The following NEGR1 variants were observed in gnomAD, a reference collection of about 807,000 sequenced individuals.
NEGR1 encodes the protein neuronal growth regulator 1.
NEGR1 carries 10 observed loss-of-function variants against 40.9 expected under a neutral mutation model. The observed-to-expected ratio is 0.24, with a 90% CI of 0.15 to 0.42. The LOEUF (loss-of-function observed/expected upper bound fraction) is 0.42. Among genes scored for constraint, NEGR1 ranks in the 10% least tolerant of loss-of-function variants. The probability of loss-of-function intolerance (pLI) is 1.00; values close to 1 mark genes in which losing one functional copy is unlikely to be tolerated. For synonymous variants in NEGR1, 185 were observed against 166.8 expected (o/e 1.11, Z -0.84); for missense variants, 352 against 438.9 (o/e 0.80, Z 1.77).
chr1:72,276,644 T>A (rs1656057197), intron 1 of NEGR1, among the ~76,000 whole-genome samples: 1 of 152,186 alleles, frequency 6.6e-6, no homozygotes, highest in Admixed American at 6.5e-5. Flanking sequence ...TATGCCTCAA[T>A]ATTCTTATGG....
chr1:71,880,686 A>ATC (rs1447178561), intron 2 of NEGR1, among the ~76,000 whole-genome samples: 6 of 152,014 alleles, frequency 3.9e-5, no homozygotes, highest in Non-Finnish European at 8.8e-5. Flanking sequence ...CTACCAAGAT[A>ATC]ACCTACTGCC....
intron 1 of NEGR1, among the ~76,000 whole-genome samples, chr1:72,229,668 G>T (rs1294755162): frequency 6.6e-6 from 1 of 150,848 alleles, no homozygotes; most frequent in Non-Finnish European, 1.5e-5. Flanking sequence ...TCTTTTTTTG[G>T]TAAGTTGATT....
chr1:71,841,202 G>A (rs1057478174), intron 2 of NEGR1, among the ~76,000 whole-genome samples: 3 of 151,928 alleles, frequency 2.0e-5, no homozygotes, highest in Non-Finnish European at 4.4e-5. Context: ...TATGAGAAGA[G>A]GATAATATAA....
chr1:72,118,483 G>T (rs1195878507), intron 1 of NEGR1, among the ~76,000 whole-genome samples: 1 of 151,806 alleles, frequency 6.6e-6, no homozygotes, highest in Non-Finnish European at 1.5e-5. Context: ...AGGATCCAGC[G>T]GGTGTGTTGT....
At chr1:71,795,213 C>T (rs370988601) in intron 2 of NEGR1, among the ~76,000 whole-genome samples, 4 of 151,720 alleles carry the variant, frequency 2.6e-5, no homozygotes, top group Non-Finnish European at 4.4e-5. Context: ...TATTTGAATG[C>T]CCTAGAGGAA....
chr1:71,850,118 T>C (rs547911845), intron 2 of NEGR1, among the ~76,000 whole-genome samples: 1 of 150,048 alleles, frequency 6.7e-6, no homozygotes, highest in East Asian at 2.0e-4. Context: ...GTTAAGAACA[T>C]TTATAATCTA....
chr1:71,513,641 T>A (rs535421084), intron 6 of NEGR1, among the ~76,000 whole-genome samples: 1 of 152,264 alleles, frequency 6.6e-6, no homozygotes, highest in Admixed American at 6.5e-5. Context: ...TCATCCTGAT[T>A]TTATAGGAGA....
At chr1:72,149,933 A>G (rs1174048139) in intron 1 of NEGR1, among the ~76,000 whole-genome samples, 4 of 151,596 alleles carry the variant, frequency 2.6e-5, no homozygotes, top group Non-Finnish European at 5.9e-5. Flanking sequence ...AAGAAAAAAA[A>G]ACACCAAGGA....
rs992704189 is a variant in NEGR1, at chr1:71,396,238, A to G, written c.*11208T>C. The G allele has an allele frequency of 1.8e-4, 27 of 152,186 alleles. No homozygotes were observed. The highest frequency in any genetic ancestry group is 5.8e-4 in the African/African-American group (24 of 41,452). The allele number at this position is 152,186 out of a possible 1,614,324, so 9.4% of individuals were successfully genotyped here. On this transcript the variant is annotated 3_prime_UTR_variant, in exon 7 of 7. Transcript: ENST00000357731. ...AAATCAGCTTCCCAAAGAAAGGATT[A>G]GAGAAATGGGTGCCTTTTTCTTCAG... is the stretch of plus-strand genomic sequence containing the variant.
At chr1:71,936,665 C>T (rs1005042615) in intron 1 of NEGR1, among the ~76,000 whole-genome samples, 1 of 152,100 alleles carries the variant, frequency 6.6e-6, no homozygotes, top group Non-Finnish European at 1.5e-5. Context: ...TGGTAAAAGG[C>T]ATGAGAGATG....
rs1646144394 is a variant in NEGR1 at position 71,959,315 on chromosome 1, A to G, written c.177-24004T>C. Among the ~76,000 whole-genome samples the G allele has an allele frequency of 2.0e-5, 3 of 152,154 alleles. No homozygotes were observed. In the South Asian group the frequency reaches 6.2e-4, roughly 32 times the overall value. ...AACACTGGACCAGTCATCCTGTATG[A>G]CTTTCCATTTTGTCACTGTTTTGTC... On this transcript the variant is annotated intron_variant, in intron 1 of 6. Coordinates refer to ENST00000357731, the MANE Select transcript of NEGR1 (RefSeq NM_173808.3).
intron 3 of NEGR1, among the ~76,000 whole-genome samples, chr1:71,750,145 C>T (rs559323893): frequency 1.3e-5 from 2 of 152,174 alleles, no homozygotes; most frequent in South Asian, 4.2e-4. Flanking sequence ...AGGCGCCCGC[C>T]ACCGCGCCCG....
At chr1:71,480,903 TA>T (rs1302383689) in intron 6 of NEGR1, among the ~76,000 whole-genome samples, 1 of 151,942 alleles carries the variant, frequency 6.6e-6, no homozygotes, top group Non-Finnish European at 1.5e-5. Flanking sequence ...ATAACTCACC[TA>T]AAAATTATAT....
At chr1:72,272,676 C>G (rs1655884250) in intron 1 of NEGR1, among the ~76,000 whole-genome samples, 1 of 151,754 alleles carries the variant, frequency 6.6e-6, no homozygotes, top group Admixed American at 6.6e-5. Context: ...TATCTAAAAC[C>G]TTTACATATT....
At chr1:71,843,272 G>C in intron 2 of NEGR1, among the ~76,000 whole-genome samples, 1 of 152,096 alleles carries the variant, frequency 6.6e-6, no homozygotes, top group East Asian at 1.9e-4. Context: ...GGGCTCTCTA[G>C]ATCTTTGGAG....
At chr1:72,188,187 A>G (rs1369885949) in intron 1 of NEGR1, among the ~76,000 whole-genome samples, 2 of 151,500 alleles carry the variant, frequency 1.3e-5, no homozygotes, top group East Asian at 1.9e-4. Flanking sequence ...TGAAAATATC[A>G]TAATTAAATT....
At chr1:72,175,115 C>A (rs192857018) in intron 1 of NEGR1, among the ~76,000 whole-genome samples, 1 of 152,122 alleles carries the variant, frequency 6.6e-6, no homozygotes, top group East Asian at 1.9e-4. Context: ...TATCCCTCCC[C>A]CCTTCCCCCG....
At chr1:71,995,374 A>T (rs921100659) in intron 1 of NEGR1, among the ~76,000 whole-genome samples, 1 of 152,164 alleles carries the variant, frequency 6.6e-6, no homozygotes, top group Non-Finnish European at 1.5e-5. Flanking sequence ...TTTTGATTAT[A>T]CCATGAATAA....
chr1:71,532,181 A>G (rs1164320780), intron 6 of NEGR1, among the ~76,000 whole-genome samples: 3 of 151,556 alleles, frequency 2.0e-5, no homozygotes, highest in Non-Finnish European at 4.4e-5. Context: ...CTAAATTCCT[A>G]TATAACGAGA....
Sources: allele counts gnomAD v4.1 joint callset (sites outside exome capture counted in the v4.1 genomes callset), GRCh38; gene constraint gnomAD v4.1.1; transcripts MANE v1.5; gene names NCBI Gene and HGNC (gene_info 2026-07-23, HGNC 2026-07-21).